The following CMTM4 variants were observed in gnomAD, a reference collection of about 807,000 sequenced individuals.
CMTM4 encodes the protein CKLF-like MARVEL transmembrane domain-containing protein 4.
In CMTM4, 8 loss-of-function variants were observed where a neutral mutation model predicts 19.0. That is an observed-to-expected ratio of 0.42 (90% CI 0.25 to 0.76). The LOEUF (loss-of-function observed/expected upper bound fraction) is 0.76, where lower values mean the gene tolerates loss of function less well. CMTM4 is among the 30% of genes least tolerant of loss of function. The pLI is 0.27. For synonymous variants in CMTM4, 106 were observed against 121.1 expected (o/e 0.88, Z 0.82); for missense variants, 228 against 290.2 (o/e 0.79, Z 1.56).
rs150720178 is a variant in CMTM4 at position 66,672,924 on chromosome 16, C to CTT, written c.186+23414_186+23415dup. Reference sequence around the variant, plus strand: ...CATAGGTGTAAGCCACTGCGCCTGGCTTTTTTTTTTTTTTTTGAGACGGAG... The same window carrying CTT: ...CATAGGTGTAAGCCACTGCGCCTGGCTTTTTTTTTTTTTTTTTTGAGACGGAG... On this transcript the variant is annotated intron_variant, in intron 1 of 3. Transcript: ENST00000394106. 2.2e-4 allele frequency among the ~76,000 whole-genome samples: 24 copies of CTT among 107,948 alleles called. 1 individual carries two copies. The highest frequency in any genetic ancestry group is 1.5e-3 in the East Asian group (5 of 3,388). 70.8% of individuals were successfully genotyped at this position (107,948 alleles called of 152,430 possible). A position where few individuals can be genotyped will look rare whatever the true frequency, so the allele number is the denominator to read the frequency against.
At chr16:66,668,330 T>C (rs2016642160) in intron 1 of CMTM4, among the ~76,000 whole-genome samples, 1 of 152,154 alleles carries the variant, frequency 6.6e-6, no homozygotes, top group Non-Finnish European at 1.5e-5. Flanking sequence ...TTGGTTTGTA[T>C]GCTTGATTCT....
At chr16:66,688,457 G>A (rs1420411997) in intron 1 of CMTM4, among the ~76,000 whole-genome samples, 3 of 151,868 alleles carry the variant, frequency 2.0e-5, no homozygotes, top group African/African-American at 7.3e-5. Flanking sequence ...GAGTGAACAA[G>A]TAGCTTGCCA....
chr16:66,643,800 C>A (rs554196816), intron 1 of CMTM4, among the ~76,000 whole-genome samples: 1 of 152,302 alleles, frequency 6.6e-6, no homozygotes, highest in East Asian at 1.9e-4. Flanking sequence ...GCAGCCCAGG[C>A]TGGAGTGCAA....
At chr16:66,659,784 A>T (rs1324175396) in intron 1 of CMTM4, among the ~76,000 whole-genome samples, 1 of 152,196 alleles carries the variant, frequency 6.6e-6, no homozygotes, top group African/African-American at 2.4e-5. Context: ...ACAAAAAAGG[A>T]GGGGAGCGTT....
chr16:66,636,543 G>C lies in CMTM4; in HGVS notation c.225C>G (p.Ile75Met). ...ALIAFICIET[I>M]MACSPCEGLY... Reference sequence around the variant, plus strand: ...GGCCTTCACACGGGGAGCATGCCATGATGGTCTCTATGCAGATGAATGCAA... The same window carrying C: ...GGCCTTCACACGGGGAGCATGCCATCATGGTCTCTATGCAGATGAATGCAA... Residue 75 changes from isoleucine (I) to methionine (M), a missense_variant, in exon 2 of 4, where the codon ATC (isoleucine) becomes ATG (methionine). Physicochemically the swap from Ile to Met is conservative, Grantham distance 10. Transcript: ENST00000394106. The C allele has an allele frequency of 6.2e-7, 1 of 1,614,216 alleles. No homozygotes were observed. The highest frequency in any genetic ancestry group is 1.6e-4 in the Middle Eastern group (1 of 6,062).
Position 66,621,561 on chromosome 16 carries a change from G to A in CMTM4, c.*497C>T. The A allele has an allele frequency of 6.1e-6, 6 of 988,890 alleles. No individual in the cohort carries two copies. Among genetic ancestry groups the A allele is most frequent in the Non-Finnish European group, 7.2e-6 (6 of 831,680 alleles). 61.3% of individuals were successfully genotyped at this position (988,890 alleles called of 1,614,324 possible). On this transcript the variant is annotated 3_prime_UTR_variant, in exon 4 of 4. Transcript: ENST00000394106. ...GCCCTGTGGCCTTTGGGCTGGTGCT[G>A]GCTGCCTGGGGGCCCTGGCATGGAA...
intron 1 of CMTM4, among the ~76,000 whole-genome samples, chr16:66,641,279 C>A (rs1196192385): frequency 8.5e-5 from 13 of 152,170 alleles, no homozygotes; most frequent in Non-Finnish European, 1.5e-5. Flanking sequence ...AGAGATCCTC[C>A]CGCCTCAGCC....
intron 1 of CMTM4, among the ~76,000 whole-genome samples, chr16:66,659,799 A>C (rs2016468914): frequency 6.6e-6 from 1 of 152,226 alleles, no homozygotes; most frequent in Non-Finnish European, 1.5e-5. Context: ...AGCGTTGATT[A>C]AACAAAAATG....
the CMTM4 span, among the ~76,000 whole-genome samples, chr16:66,602,841 C>T: frequency 6.6e-6 from 1 of 152,004 alleles, no homozygotes; most frequent in Non-Finnish European, 1.5e-5. Flanking sequence ...GCCACTGCAC[C>T]CAGACCCAAG....
chr16:66,688,615 A>G (rs1188379252), intron 1 of CMTM4, among the ~76,000 whole-genome samples: 1 of 152,094 alleles, frequency 6.6e-6, no homozygotes, highest in Non-Finnish European at 1.5e-5. Context: ...TACCTCCATA[A>G]ACCATCACTA....
intron 1 of CMTM4, among the ~76,000 whole-genome samples, chr16:66,659,398 G>A (rs1255783904): frequency 2.0e-5 from 3 of 151,390 alleles, no homozygotes; most frequent in Non-Finnish European, 2.9e-5. Flanking sequence ...AATCACACTA[G>A]AGAAAGCCAC....
the CMTM4 span, among the ~76,000 whole-genome samples, chr16:66,602,409 A>G: frequency 1.3e-5 from 2 of 152,166 alleles, no homozygotes; most frequent in Admixed American, 1.3e-4. Context: ...GAAAGAAAAA[A>G]GAGATAACTA....
At chr16:66,687,446 G>A (rs903165962) in intron 1 of CMTM4, among the ~76,000 whole-genome samples, 2 of 151,980 alleles carry the variant, frequency 1.3e-5, no homozygotes, top group East Asian at 1.9e-4. Flanking sequence ...CAAGAGGATC[G>A]CTTGAGCCCA....
chr16:66,598,861 T>A, the CMTM4 span, among the ~76,000 whole-genome samples: 1 of 151,792 alleles, frequency 6.6e-6, no homozygotes, highest in Non-Finnish European at 1.5e-5. Flanking sequence ...TACGAGGGGG[T>A]CAGGCAGGGT....
chr16:66,611,124 T>C (rs941778089), downstream of CMTM4: 18 of 373,434 alleles, frequency 4.8e-5, no homozygotes, highest in Non-Finnish European at 3.8e-5. Flanking sequence ...TAACAATTAT[T>C]TTGCTGTAAA....
the CMTM4 span, chr16:66,604,530 C>T: frequency 3.6e-6 from 1 of 275,930 alleles, no homozygotes. Flanking sequence ...AGGTCTCCAG[C>T]GGCCCGAACC....
intron 2 of CMTM4, among the ~76,000 whole-genome samples, chr16:66,634,565 T>A (rs569554829): frequency 2.6e-5 from 4 of 152,048 alleles, no homozygotes; most frequent in African/African-American, 9.6e-5. Flanking sequence ...GTCAGATAAA[T>A]GGACAAAACA....
chr16:66,618,661 G>T lies in CMTM4; in HGVS notation c.*3397C>A. On this transcript the variant is annotated 3_prime_UTR_variant, in exon 4 of 4. Transcript: ENST00000394106. ...TACATGAGTGCACAAAGGTGTTGGA[G>T]CTTGGTCTCCTCAGGCTTAACCCAA... 2 of 985,526 alleles carry T rather than the reference G, an allele frequency of 2.0e-6. No homozygotes were observed. Among genetic ancestry groups the T allele is most frequent in the Non-Finnish European group, 2.4e-6 (2 of 829,972 alleles). The allele number at this position is 985,526 out of a possible 1,614,324, so 61.0% of individuals were successfully genotyped here. A position where few individuals can be genotyped will look rare whatever the true frequency, so the allele number is the denominator to read the frequency against.
At chr16:66,636,333 G>A in intron 2 of CMTM4, 72 bp downstream of exon 2, 2 of 1,242,730 alleles carry the variant, frequency 1.6e-6, no homozygotes, top group South Asian at 2.8e-5. Flanking sequence ...ATGACCTGGA[G>A]AGATTCCAGC....
Sources: allele counts gnomAD v4.1 joint callset (sites outside exome capture counted in the v4.1 genomes callset), GRCh38; gene constraint gnomAD v4.1.1; transcripts MANE v1.5; gene names NCBI Gene and HGNC (gene_info 2026-07-23, HGNC 2026-07-21).